Variants in CREB5 observed in about 807,000 individuals in gnomAD.
The protein encoded by CREB5 is cyclic AMP-responsive element-binding protein 5.
CREB5 carries 19 observed loss-of-function variants against 57.1 expected under a neutral mutation model. The ratio of observed to expected loss-of-function variants is 0.33; its 90% confidence interval spans 0.23 to 0.49. CREB5 has a LOEUF of 0.49. CREB5 is among the 20% of genes least tolerant of loss of function. The pLI, the probability that CREB5 is intolerant of heterozygous loss-of-function variation, is 0.99. For missense variants in CREB5, 579 were observed against 671.6 expected, an observed-to-expected ratio of 0.86 and a Z score of 1.52; for synonymous variants, 238 against 238.3, an observed-to-expected ratio of 1.00 and a Z score of 0.01.
chr7:28,774,195 A>G (rs1350105141), intron 7 of CREB5, among the ~76,000 whole-genome samples: 1 of 152,166 alleles, frequency 6.6e-6, no homozygotes, highest in Non-Finnish European at 1.5e-5. Flanking sequence ...TTTTCTATCA[A>G]TAAGTTGCTT....
intron 4 of CREB5, among the ~76,000 whole-genome samples, chr7:28,540,324 A>C (rs532047382): frequency 6.6e-6 from 1 of 152,340 alleles, no homozygotes; most frequent in South Asian, 2.1e-4. Context: ...ATTAAGTCCC[A>C]TTAATTGTTA....
At position 28,821,543 on chromosome 7, in the gene CREB5, T is replaced by C. The variant is rs1240708166; in HGVS notation, c.*2264T>C. The C allele has an allele frequency of 6.6e-6, 1 of 151,624 alleles. No homozygotes were observed. Among genetic ancestry groups the C allele is most frequent in the Non-Finnish European group, 1.5e-5 (1 of 67,920 alleles). 9.4% of individuals were successfully genotyped at this position (151,624 alleles called of 1,614,324 possible). A position where few individuals can be genotyped will look rare whatever the true frequency, so the allele number is the denominator to read the frequency against. ...TTTTCTATTATATTTTAGACAAACA[T>C]ATCATTTTCGAGTATTTTAAATACT... On this transcript the variant is annotated 3_prime_UTR_variant, in exon 11 of 11. Transcript: ENST00000357727.
intron 7 of CREB5, among the ~76,000 whole-genome samples, chr7:28,741,928 T>C (rs1804375018): frequency 6.6e-6 from 1 of 151,408 alleles, no homozygotes; most frequent in South Asian, 2.1e-4. Context: ...TAGCCAGGCG[T>C]GGTGGTGTGC....
chr7:28,479,225 CTAT>C, intron 1 of CREB5, among the ~76,000 whole-genome samples: 1 of 152,260 alleles, frequency 6.6e-6, no homozygotes, highest in African/African-American at 2.4e-5. Flanking sequence ...AGAAGCCACA[CTAT>C]TGGCTATCAG....
At chr7:28,305,747 T>C (rs1785171005) in intron 1 of CREB5, among the ~76,000 whole-genome samples, 1 of 151,676 alleles carries the variant, frequency 6.6e-6, no homozygotes, top group African/African-American at 2.4e-5. Context: ...CTTCATTATT[T>C]CATTTTAATT....
At chr7:28,371,423 A>G (rs1031077094) in intron 1 of CREB5, among the ~76,000 whole-genome samples, 2 of 144,574 alleles carry the variant, frequency 1.4e-5, no homozygotes, top group Non-Finnish European at 3.0e-5. Flanking sequence ...CAGGAGGTGG[A>G]GGTTGCAGTG....
intron 5 of CREB5, among the ~76,000 whole-genome samples, chr7:28,676,766 G>A (rs80351659): frequency 7.9e-5 from 12 of 152,258 alleles, no homozygotes; most frequent in Admixed American, 1.3e-4. Flanking sequence ...AGACTTCTCC[G>A]TTACCACTGG....
At chr7:28,514,585 C>T (rs986673347) in intron 4 of CREB5, among the ~76,000 whole-genome samples, 3 of 152,090 alleles carry the variant, frequency 2.0e-5, no homozygotes, top group Non-Finnish European at 4.4e-5. Flanking sequence ...TTAGTAGAGA[C>T]GGGATTTCAC....
chr7:28,704,283 C>T (rs955595023), intron 5 of CREB5, among the ~76,000 whole-genome samples: 2 of 152,164 alleles, frequency 1.3e-5, no homozygotes, highest in African/African-American at 4.8e-5. Flanking sequence ...TGTCACGATT[C>T]CTGGTTCCTG....
At chr7:28,607,431 G>A (rs775237708) in intron 5 of CREB5, among the ~76,000 whole-genome samples, 2 of 152,286 alleles carry the variant, frequency 1.3e-5, no homozygotes, top group African/African-American at 2.4e-5. Context: ...GCACTGGAAC[G>A]TGCAAATACA....
At chr7:28,358,757 T>C (rs1786398977) in intron 1 of CREB5, among the ~76,000 whole-genome samples, 1 of 152,176 alleles carries the variant, frequency 6.6e-6, no homozygotes, top group South Asian at 2.1e-4. Context: ...GTGGTATTTG[T>C]GAGTCAGTCC....
In CREB5 at chr7:28,610,649, A is replaced by G. The variant is rs10279702; in HGVS notation, c.464+40112A>G. On this transcript the variant is annotated intron_variant, in intron 5 of 10. Coordinates refer to ENST00000357727, the MANE Select transcript of CREB5 (RefSeq NM_182898.4). ...ATGGCTGAGCTGCTAATGGCCCAGT[A>G]ACCTAAAAATTTAACTCTTCCCTAA... is the stretch of plus-strand genomic sequence containing the variant. Among the ~76,000 whole-genome samples the G allele has an allele frequency of 0.023, 3,524 of 152,192 alleles. 233 individuals are homozygous for G. The East Asian group carries it at 0.28, about 12-fold the overall frequency.
chr7:28,421,357 T>A (rs1306359508), intron 1 of CREB5, among the ~76,000 whole-genome samples: 2 of 152,194 alleles, frequency 1.3e-5, no homozygotes, highest in Admixed American at 6.5e-5. Context: ...TTTCATGGTA[T>A]ACATATACCA....
At chr7:28,786,084 T>C (rs1445697144) in intron 7 of CREB5, among the ~76,000 whole-genome samples, 1 of 150,990 alleles carries the variant, frequency 6.6e-6, no homozygotes, top group Non-Finnish European at 1.5e-5. Context: ...TGAAAGAAGA[T>C]ACAGCCAACT....
Position 28,819,860 on chromosome 7 carries a change from G to A in CREB5, c.*581G>A, listed in dbSNP as rs1809661876. ...GCATCTCTTCACCTCTCCTCCTCTT[G>A]GTCCACTTGCTAATGCCCAGTTTTC... On this transcript the variant is annotated 3_prime_UTR_variant, in exon 11 of 11. Transcript: ENST00000357727. 6.6e-6 allele frequency: 1 copy of A among 150,504 alleles called. No homozygotes were observed. The highest frequency in any genetic ancestry group is 2.1e-4 in the South Asian group (1 of 4,708). 9.3% of individuals were successfully genotyped at this position (150,504 alleles called of 1,614,324 possible).
chr7:28,533,689 C>T (rs1793831164), intron 4 of CREB5, among the ~76,000 whole-genome samples: 1 of 152,150 alleles, frequency 6.6e-6, no homozygotes, highest in African/African-American at 2.4e-5. Flanking sequence ...GAGCTCAGTC[C>T]TGTATTGGGC....
At position 28,436,847 on chromosome 7, in the gene CREB5, G is replaced by A. The variant is rs1268182490; in HGVS notation, c.3+23930G>A. On this transcript the variant is annotated intron_variant, in intron 1 of 10. Coordinates refer to ENST00000357727, the MANE Select transcript of CREB5 (RefSeq NM_182898.4). ...TGAGATTTAAGAAAGTGGGATAATG[G>A]GATGTGGGGGGAACAGGTTGCATTT... 6.6e-5 allele frequency among the ~76,000 whole-genome samples: 10 copies of A among 152,230 alleles called. No homozygotes were observed. In the South Asian group the frequency reaches 1.5e-3, roughly 22 times the overall value.
chr7:28,642,781 C>T (rs370101690), intron 5 of CREB5, among the ~76,000 whole-genome samples: 3 of 152,010 alleles, frequency 2.0e-5, no homozygotes, highest in East Asian at 1.9e-4. Context: ...AACTGTCCAT[C>T]GTGAATTTTT....
intron 7 of CREB5, among the ~76,000 whole-genome samples, chr7:28,789,540 C>T (rs895991762): frequency 3.3e-5 from 5 of 152,144 alleles, no homozygotes; most frequent in African/African-American, 4.8e-5. Context: ...AAAATGTTCT[C>T]GGTTATAGCA....
Sources: allele counts gnomAD v4.1 joint callset (sites outside exome capture counted in the v4.1 genomes callset), GRCh38; gene constraint gnomAD v4.1.1; transcripts MANE v1.5; gene names NCBI Gene and HGNC (gene_info 2026-07-23, HGNC 2026-07-21).